Variants in KMT2E observed in about 807,000 individuals in gnomAD.
The protein encoded by KMT2E is lysine methyltransferase 2E (inactive), also known as histone reader KMT2E.
In KMT2E, 30 loss-of-function variants were observed where a neutral mutation model predicts 184.6. That is an observed-to-expected ratio of 0.16 (90% CI 0.12 to 0.22). The LOEUF (loss-of-function observed/expected upper bound fraction) is 0.22. Ranked by LOEUF, KMT2E falls within the 10% of genes least tolerant of loss-of-function variation. The pLI is 1.00. For synonymous variants in KMT2E, 815 were observed against 776.5 expected (o/e 1.05, Z -0.82); for missense variants, 2,023 against 2,237.4 (o/e 0.90, Z 1.93).
chr7:105,042,638 G>A (rs757000624), intron 3 of KMT2E, among the ~76,000 whole-genome samples: 2 of 152,202 alleles, frequency 1.3e-5, no homozygotes, highest in African/African-American at 4.8e-5. Flanking sequence ...GGTCAGAAGA[G>A]TCACATTTAG....
At chr7:105,095,038 A>G (rs994183605) in intron 15 of KMT2E, among the ~76,000 whole-genome samples, 1 of 152,224 alleles carries the variant, frequency 6.6e-6, no homozygotes, top group Non-Finnish European at 1.5e-5. Flanking sequence ...ACCACTGATT[A>G]AAATCATGCT....
intron 1 of KMT2E, among the ~76,000 whole-genome samples, chr7:105,023,621 A>G (rs1795052921): frequency 6.6e-6 from 1 of 151,324 alleles, no homozygotes; most frequent in Non-Finnish European, 1.5e-5. Flanking sequence ...ATTTTTTTGT[A>G]TTTTTAGTAG....
At chr7:105,068,654 T>TC (rs1562904469) in intron 6 of KMT2E, among the ~76,000 whole-genome samples, 10 of 149,264 alleles carry the variant, frequency 6.7e-5, no homozygotes, top group Admixed American at 1.3e-4. Flanking sequence ...TTTTTTTTTT[T>TC]TGTAGGCACA....
intron 9 of KMT2E, among the ~76,000 whole-genome samples, chr7:105,076,614 C>T (rs1482080207): frequency 6.6e-6 from 1 of 152,178 alleles, no homozygotes; most frequent in East Asian, 1.9e-4. Context: ...AGCGAGGCTC[C>T]TCGCCTCTGT....
intron 15 of KMT2E, among the ~76,000 whole-genome samples, chr7:105,099,128 A>G (rs2129569355): frequency 6.6e-6 from 1 of 152,348 alleles, no homozygotes; most frequent in Non-Finnish European, 1.5e-5. Context: ...ATAAATGTAG[A>G]AAATCAGGCA....
At chr7:105,068,221 GT>G (rs1260325305) in intron 6 of KMT2E, among the ~76,000 whole-genome samples, 2 of 151,222 alleles carry the variant, frequency 1.3e-5, no homozygotes, top group South Asian at 4.2e-4. Flanking sequence ...GTAAGAAGGT[GT>G]TTATGTCTAT....
At chr7:105,079,094 C>A in intron 12 of KMT2E, 131 bp downstream of exon 12, 1 of 510,064 alleles carries the variant, frequency 2.0e-6, no homozygotes, top group Non-Finnish European at 3.6e-6. Flanking sequence ...ACTGCCCAGC[C>A]TGTTTTTTTG....
intron 3 of KMT2E, among the ~76,000 whole-genome samples, chr7:105,060,733 G>A (rs987298174): frequency 3.3e-5 from 5 of 152,014 alleles, no homozygotes; most frequent in African/African-American, 1.2e-4. Flanking sequence ...ACCACACCCA[G>A]CCCTTATTTT....
At chr7:105,020,749 T>C (rs188442411) in intron 1 of KMT2E, among the ~76,000 whole-genome samples, 1 of 152,334 alleles carries the variant, frequency 6.6e-6, no homozygotes, top group Admixed American at 6.5e-5. Context: ...TTTAAACTTA[T>C]TTGAGTTAAA....
Position 105,113,184 on chromosome 7 carries a change from G to C in KMT2E, c.5428G>C (p.Gly1810Arg), listed in dbSNP as rs1799405674. The part of the protein sequence containing the change: ...PNSIPTPTAS[G>R]FCPHPGSVAL... ...CAGTATTCCAACACCTACTGCTTCAGGGTTCTGTCCTCATCCTGGCTCTGT... is the reference window on the plus strand; with the variant it reads ...CAGTATTCCAACACCTACTGCTTCACGGTTCTGTCCTCATCCTGGCTCTGT... The change falls in exon 27 of 27, where the codon GGG becomes CGG. Residue 1810 changes from glycine to arginine, a missense_variant. Transcript: ENST00000311117. 1 of 1,614,078 alleles carries C rather than the reference G, an allele frequency of 6.2e-7. No homozygotes were observed. The highest frequency in any genetic ancestry group is 8.5e-7 in the Non-Finnish European group (1 of 1,180,042).
chr7:105,054,040 G>A (rs924871357), intron 3 of KMT2E, among the ~76,000 whole-genome samples: 2 of 151,994 alleles, frequency 1.3e-5, no homozygotes, highest in Non-Finnish European at 2.9e-5. Flanking sequence ...GGGCATGGTG[G>A]CACGTGCCTG....
At chr7:105,015,077 C>A (rs961271745) in intron 1 of KMT2E, among the ~76,000 whole-genome samples, 2 of 149,606 alleles carry the variant, frequency 1.3e-5, no homozygotes, top group African/African-American at 5.1e-5. Flanking sequence ...AGCGAGACAG[C>A]TAGCTCCTCA....
Position 105,110,297 on chromosome 7 carries a change from T to G in KMT2E, c.3773T>G (p.Val1258Gly), listed in dbSNP as rs1562934687. The change falls in exon 24 of 27, where the codon GTG (valine) becomes GGG (glycine). Residue 1258 changes from valine to glycine, a missense_variant. By Grantham distance (109) the Val-to-Gly change is moderately radical. Coordinates refer to ENST00000311117, the MANE Select transcript of KMT2E (RefSeq NM_182931.3). ...PEVQWTASTS[V>G]EQVRERSYQR... The stretch of plus-strand genomic sequence containing the variant: ...TTTGAAAGGACTGCCTCAACTTCAG[T>G]GGAACAAGTCAGAGAAAGGAGTTAT... 6.2e-7 allele frequency: 1 copy of G among 1,614,150 alleles called. No individual in the cohort carries two copies. Among genetic ancestry groups the G allele is most frequent in the Non-Finnish European group, 8.5e-7 (1 of 1,179,972 alleles).
In KMT2E at chr7:105,113,245, C is replaced by T. The variant is rs754601731; in HGVS notation, c.5489C>T (p.Ala1830Val). The T allele has an allele frequency of 8.1e-6, 13 of 1,614,106 alleles. No individual in the cohort carries two copies. Among genetic ancestry groups the T allele is most frequent in the African/African-American group, 1.3e-5 (1 of 74,952 alleles). The change falls in exon 27 of 27, where the codon GCA (alanine) becomes GTA (valine). Residue 1830 changes from alanine (A) to valine (V), a missense_variant. Coordinates refer to ENST00000311117, the MANE Select transcript of KMT2E (RefSeq NM_182931.3). The part of the protein sequence containing the change: ...LPHGVQGPQQ[A>V]SPVPGQIPIH... ...CATGGGGTTCAAGGACCTCAGCAGG[C>T]ATCTCCAGTGCCTGGACAGATTCCA... is the stretch of plus-strand genomic sequence containing the variant.
At chr7:105,018,318 T>C (rs1794800443) in intron 1 of KMT2E, among the ~76,000 whole-genome samples, 1 of 152,218 alleles carries the variant, frequency 6.6e-6, no homozygotes, top group African/African-American at 2.4e-5. Context: ...GAAATACTAG[T>C]ATGCAGTTTT....
chr7:105,082,560 A>G (rs1797800416), intron 13 of KMT2E, among the ~76,000 whole-genome samples: 1 of 152,132 alleles, frequency 6.6e-6, no homozygotes, highest in South Asian at 2.1e-4. Context: ...AAAGGTCTTC[A>G]TCCTCATCTT....
At chr7:105,032,073 CAAAAAAAAAAAAA>C (rs869308527) in intron 1 of KMT2E, among the ~76,000 whole-genome samples, 2 of 77,278 alleles carry the variant, frequency 2.6e-5, no homozygotes, top group South Asian at 1.1e-3. Context: ...ACTCTTATCA[CAAAAAAAAAAAAA>C]AAAAAAAAAA....
chr7:105,084,659 A>C (rs2129568554), intron 13 of KMT2E, among the ~76,000 whole-genome samples: 1 of 152,062 alleles, frequency 6.6e-6, no homozygotes, highest in Middle Eastern at 3.4e-3. Context: ...TATTGCACTG[A>C]AGACTATGAA....
intron 1 of KMT2E, among the ~76,000 whole-genome samples, chr7:105,027,609 A>G (rs1450234355): frequency 6.6e-6 from 1 of 152,184 alleles, no homozygotes; most frequent in Admixed American, 6.5e-5. Context: ...TGTAAAGTGC[A>G]CAGACATTTT....
Sources: allele counts gnomAD v4.1 joint callset (sites outside exome capture counted in the v4.1 genomes callset), GRCh38; gene constraint gnomAD v4.1.1; transcripts MANE v1.5; gene names NCBI Gene and HGNC (gene_info 2026-07-23, HGNC 2026-07-21).